LPP: variants seen among roughly 807,000 people sequenced by gnomAD.
LPP encodes the protein LIM domain containing preferred translocation partner in lipoma.
In LPP, 38 loss-of-function variants were observed where a neutral mutation model predicts 60.4. The ratio of observed to expected loss-of-function variants is 0.63; its 90% CI spans 0.49 to 0.83. The LOEUF is 0.83. Among genes scored for constraint, LPP ranks in the 40% least tolerant of loss-of-function variants. The probability of loss-of-function intolerance (pLI) is 0.00; values close to 1 mark genes in which losing one functional copy is unlikely to be tolerated. For synonymous variants in LPP, 328 were observed against 290.8 expected (o/e 1.13, Z -1.30); for missense variants, 902 against 783.6 (o/e 1.15, Z -1.80).
At chr3:188,867,790 A>G (rs949552085) in intron 10 of LPP, among the ~76,000 whole-genome samples, 6 of 152,144 alleles carry the variant, frequency 3.9e-5, no homozygotes, top group Non-Finnish European at 8.8e-5. Flanking sequence ...TGTATTGCTC[A>G]CCAGGTTGGG....
intron 8 of LPP, among the ~76,000 whole-genome samples, chr3:188,731,777 C>T (rs1444008047): frequency 6.6e-6 from 1 of 152,154 alleles, no homozygotes; most frequent in South Asian, 2.1e-4. Context: ...CCACCTCAGC[C>T]TCCAAAAGTG....
In LPP at chr3:188,773,260, G is replaced by A. The variant is rs557773108; in HGVS notation, c.1410+12978G>A. ...TTTTGCTCTTGTCCCTGCAGAGTAA[G>A]GGGATGCCAGCCAAGGCTGACATCA... On this transcript the variant is annotated intron_variant, in intron 9 of 11. Coordinates refer to ENST00000617246, the MANE Select transcript of LPP (RefSeq NM_001375462.1). Among the ~76,000 whole-genome samples, 5 of 151,644 alleles carry A rather than the reference G, an allele frequency of 3.3e-5. No individual in the cohort carries two copies. In the East Asian group the frequency reaches 9.6e-4, roughly 29 times the overall value.
intron 2 of LPP, among the ~76,000 whole-genome samples, chr3:188,238,372 G>A (rs1473655084): frequency 6.6e-6 from 1 of 151,674 alleles, no homozygotes; most frequent in African/African-American, 2.4e-5. Context: ...TTTCCTTTAT[G>A]AACTTTTTTT....
At chr3:188,611,743 A>G (rs1394379469) in intron 7 of LPP, among the ~76,000 whole-genome samples, 4 of 152,208 alleles carry the variant, frequency 2.6e-5, no homozygotes, top group Non-Finnish European at 5.9e-5. Context: ...ATGTGTCTTG[A>G]TGAGACTCAC....
intron 4 of LPP, among the ~76,000 whole-genome samples, chr3:188,463,184 G>A (rs1225498432): frequency 3.9e-5 from 6 of 152,012 alleles, no homozygotes; most frequent in Non-Finnish European, 1.5e-5. Flanking sequence ...ATGAACGTGT[G>A]GGGTGTATGT....
intron 7 of LPP, among the ~76,000 whole-genome samples, chr3:188,632,754 G>A (rs1316815928): frequency 2.0e-5 from 3 of 152,178 alleles, no homozygotes; most frequent in African/African-American, 7.2e-5. Flanking sequence ...TTACGGACAA[G>A]TGGAAGGTAT....
intron 7 of LPP, among the ~76,000 whole-genome samples, chr3:188,623,027 TA>T (rs747020083): frequency 1.6e-3 from 125 of 79,476 alleles, no homozygotes; most frequent in Middle Eastern, 5.0e-3. Context: ...GACTCCATCT[TA>T]AAAAAAAAAA....
At chr3:188,215,572 C>G (rs1235144376) in intron 1 of LPP, among the ~76,000 whole-genome samples, 1 of 152,124 alleles carries the variant, frequency 6.6e-6, no homozygotes, top group Non-Finnish European at 1.5e-5. Flanking sequence ...AGCGTAGTGT[C>G]CTTAAGGTTC....
At chr3:188,652,821 G>A (rs187179104) in intron 7 of LPP, among the ~76,000 whole-genome samples, 1 of 152,248 alleles carries the variant, frequency 6.6e-6, no homozygotes, top group Admixed American at 6.5e-5. Context: ...TACTCACAAT[G>A]CTGGTAACCA....
intron 6 of LPP, among the ~76,000 whole-genome samples, chr3:188,536,001 AAT>A (rs1823481329): frequency 1.0e-5 from 1 of 97,278 alleles, no homozygotes; most frequent in Non-Finnish European, 2.0e-5. Context: ...TTATTACATG[AAT>A]TTTTTTTTTT....
At chr3:188,429,856 C>G (rs1371331056) in intron 4 of LPP, among the ~76,000 whole-genome samples, 1 of 152,116 alleles carries the variant, frequency 6.6e-6, no homozygotes, top group South Asian at 2.1e-4. Flanking sequence ...CAGAGAATTC[C>G]TTTTCCTAAA....
Position 188,609,925 on chromosome 3 carries a change from C to A in LPP, c.1113+81C>A. On this transcript the variant is annotated intron_variant, in intron 7 of 11. Coordinates refer to ENST00000617246, the MANE Select transcript of LPP (RefSeq NM_001375462.1). This position sits in a 1 kb window ranked among gnomAD's most constrained non-coding sequence, Gnocchi z 6.9. ...CTTCCCCAGGAAGCGAAGCCTAAGG[C>A]AAAAGTGTGTGTGTTACTTTTATTT... 1.5e-6 allele frequency: 2 copies of A among 1,330,580 alleles called. No homozygotes were observed. Among genetic ancestry groups the A allele is most frequent in the Non-Finnish European group, 2.1e-6 (2 of 967,380 alleles). 82.4% of individuals were successfully genotyped at this position (1,330,580 alleles called of 1,614,324 possible).
intron 3 of LPP, among the ~76,000 whole-genome samples, chr3:188,403,481 A>G (rs1479679689): frequency 1.3e-5 from 2 of 152,218 alleles, no homozygotes; most frequent in Admixed American, 6.5e-5. Context: ...TTATACTACC[A>G]ATGTGCATAA....
intron 1 of LPP, among the ~76,000 whole-genome samples, chr3:188,219,729 T>C (rs1715070929): frequency 6.6e-6 from 1 of 152,152 alleles, no homozygotes; most frequent in Non-Finnish European, 1.5e-5. Context: ...TCCATGTGGG[T>C]CCTTGATGCT....
intron 6 of LPP, among the ~76,000 whole-genome samples, chr3:188,586,268 G>A (rs1052439283): frequency 1.7e-4 from 26 of 152,128 alleles, no homozygotes; most frequent in African/African-American, 6.0e-4. Context: ...ATATGAAAGA[G>A]TCTTTTTCTT....
intron 7 of LPP, among the ~76,000 whole-genome samples, chr3:188,688,371 G>A (rs1238955785): frequency 6.6e-6 from 1 of 152,150 alleles, no homozygotes; most frequent in African/African-American, 2.4e-5. Context: ...GCCTTCAGTT[G>A]GATAAATCTA....
chr3:188,696,603 C>G (rs1260161255), intron 7 of LPP, among the ~76,000 whole-genome samples: 1 of 152,130 alleles, frequency 6.6e-6, no homozygotes. Flanking sequence ...CAACAACTCA[C>G]AAAGTAAATT....
intron 1 of LPP, among the ~76,000 whole-genome samples, chr3:188,221,101 G>A (rs78368044): frequency 0.013 from 1,953 of 152,212 alleles, 22 homozygotes; most frequent in Non-Finnish European, 0.018. Context: ...CTTTCCAGGC[G>A]TGTGTCCCAC....
intron 7 of LPP, among the ~76,000 whole-genome samples, chr3:188,672,126 A>G (rs1857076780): frequency 6.6e-6 from 1 of 152,214 alleles, no homozygotes; most frequent in Non-Finnish European, 1.5e-5. Context: ...CTGACTGCGT[A>G]AGAATTTAAG....
Sources: allele counts gnomAD v4.1 joint callset (sites outside exome capture counted in the v4.1 genomes callset), GRCh38; gene constraint gnomAD v4.1.1; non-coding constraint Gnocchi (gnomAD v3.1); transcripts MANE v1.5; gene names NCBI Gene and HGNC (gene_info 2026-07-23, HGNC 2026-07-21).